The following PLA1A variants were observed in gnomAD, a reference collection of about 807,000 sequenced individuals.
The protein encoded by PLA1A is phospholipase A1 member A.
PLA1A carries 47 observed loss-of-function variants against 49.4 expected under a neutral mutation model. The ratio of observed to expected loss-of-function variants is 0.95; its 90% CI spans 0.75 to 1.21. The LOEUF (loss-of-function observed/expected upper bound fraction) is 1.21, where lower values mean the gene tolerates loss of function less well. PLA1A is among the 50% of genes most tolerant of loss of function. The probability of loss-of-function intolerance (pLI) is 0.00; values close to 1 mark genes in which losing one functional copy is unlikely to be tolerated. For missense variants in PLA1A, 561 were observed against 563.9 expected (o/e 0.99, Z 0.05); for synonymous variants, 224 against 207.9 (o/e 1.08, Z -0.67).
At chr3:119,606,701 G>A in intron 1 of PLA1A, 73 bp from the exon 2 acceptor site, 2 of 1,227,166 alleles carry the variant, frequency 1.6e-6, no homozygotes, top group Non-Finnish European at 2.3e-6. Context: ...TTCCTTCCAA[G>A]GTCATCTTTC....
intron 7 of PLA1A, 124 bp from the exon 8 acceptor site, chr3:119,619,439 G>A: frequency 1.4e-6 from 1 of 722,716 alleles, no homozygotes; most frequent in Non-Finnish European, 2.5e-6. Flanking sequence ...AGCACATAGT[G>A]CGTGTATGGT....
intron 3 of PLA1A, among the ~76,000 whole-genome samples, chr3:119,609,232 T>C (rs977886261): frequency 6.6e-6 from 1 of 152,090 alleles, no homozygotes; most frequent in Admixed American, 6.5e-5. Context: ...ATGGCCATGG[T>C]CGTTACTCAC....
chr3:119,622,146 GGAGGAAGAA>G (rs1348110652), intron 8 of PLA1A, among the ~76,000 whole-genome samples: 14 of 120,860 alleles, frequency 1.2e-4, no homozygotes, highest in Admixed American at 4.1e-4. Flanking sequence ...AGGAGGAGGA[GGAGGAAGAA>G]GAAGAAGAAG....
chr3:119,608,749 C>T, intron 2 of PLA1A, 21 bp from the exon 3 acceptor site: 2 of 1,579,726 alleles, frequency 1.3e-6, no homozygotes, highest in Non-Finnish European at 1.7e-6. Context: ...TTTTTCCATT[C>T]TTTTTTGGCC....
intron 2 of PLA1A, among the ~76,000 whole-genome samples, chr3:119,607,501 A>G (rs992627539): frequency 1.3e-5 from 2 of 152,230 alleles, no homozygotes; most frequent in Admixed American, 6.5e-5. Context: ...CTATAGGGCT[A>G]GAAACAGAGA....
intron 1 of PLA1A, chr3:119,598,667 A>G (rs2082573157): frequency 6.6e-6 from 1 of 152,208 alleles, no homozygotes; most frequent in Admixed American, 6.5e-5. Context: ...TCTACTCACA[A>G]TAGCAGGCTG....
chr3:119,607,912 C>A (rs1285027444), intron 2 of PLA1A, among the ~76,000 whole-genome samples: 1 of 152,206 alleles, frequency 6.6e-6, no homozygotes, highest in Non-Finnish European at 1.5e-5. Flanking sequence ...AGTGTGCTCT[C>A]TTTGCTTCTA....
At chr3:119,619,323 CT>C (rs1312807397) in intron 7 of PLA1A, among the ~76,000 whole-genome samples, 1 of 152,206 alleles carries the variant, frequency 6.6e-6, no homozygotes, top group Non-Finnish European at 1.5e-5. Context: ...TTATAATAAC[CT>C]GCCAAGAATG....
intron 1 of PLA1A, among the ~76,000 whole-genome samples, chr3:119,598,194 A>T (rs898171446): frequency 2.6e-5 from 4 of 152,164 alleles, no homozygotes; most frequent in African/African-American, 9.7e-5. Context: ...TTCCCTGGTT[A>T]TCCGACTCAT....
intron 8 of PLA1A, among the ~76,000 whole-genome samples, 194 bp from the exon 9 acceptor site, chr3:119,624,930 C>A (rs1381727107): frequency 2.0e-5 from 3 of 152,216 alleles, no homozygotes. Flanking sequence ...TGCGCCCAGC[C>A]AAGTGTCTAT....
intron 4 of PLA1A, among the ~76,000 whole-genome samples, chr3:119,610,716 T>C (rs775402463): frequency 2.0e-5 from 3 of 152,244 alleles, no homozygotes; most frequent in African/African-American, 4.8e-5. Context: ...TATTAGTCCT[T>C]TGTCAGATGC....
intron 1 of PLA1A, 59 bp from the exon 2 acceptor site, chr3:119,606,715 C>T: frequency 1.4e-6 from 2 of 1,394,194 alleles, no homozygotes; most frequent in Admixed American, 3.5e-5. Context: ...ATCTTTCTTC[C>T]TTCTAAGAAC....
intron 4 of PLA1A, among the ~76,000 whole-genome samples, chr3:119,610,542 T>C (rs2082751353): frequency 6.6e-6 from 1 of 152,208 alleles, no homozygotes; most frequent in East Asian, 1.9e-4. Flanking sequence ...TGAGATGGTA[T>C]ATCATGGTGT....
At chr3:119,628,116 A>G (rs1186663862) in intron 9 of PLA1A, among the ~76,000 whole-genome samples, 1 of 152,224 alleles carries the variant, frequency 6.6e-6, no homozygotes, top group Non-Finnish European at 1.5e-5. Flanking sequence ...TCAAGTTCAT[A>G]GCAGCATGTA....
In PLA1A at chr3:119,611,065, G is replaced by A. The variant is rs1193562636; in HGVS notation, c.562+1489G>A. On this transcript the variant is annotated intron_variant, in intron 4 of 10. Transcript: ENST00000273371. ...TTTCCCACACCATTTATCGAATAGG[G>A]TATCTTTTCCTCTAAAAAAAGTGTT... Among the ~76,000 whole-genome samples the A allele has an allele frequency of 3.3e-5, 5 of 152,212 alleles. No homozygotes were observed. The East Asian group carries it at 9.6e-4, about 29-fold the overall frequency.
At chr3:119,614,884 A>G (rs9830521) in intron 5 of PLA1A, among the ~76,000 whole-genome samples, 402 of 152,330 alleles carry the variant, frequency 2.6e-3, no homozygotes, top group Non-Finnish European at 5.0e-3. Flanking sequence ...GGAGTCATGA[A>G]GGGAAGCCCG....
intron 8 of PLA1A, 79 bp downstream of exon 8, chr3:119,619,731 G>A: frequency 5.1e-6 from 5 of 973,550 alleles, no homozygotes; most frequent in Non-Finnish European, 8.3e-6. Context: ...TAGCCTGGGT[G>A]GGAGTGAATG....
In PLA1A at chr3:119,606,947, G is replaced by A. The variant is rs141940849; in HGVS notation, c.247G>A (p.Gly83Arg). The A allele has an allele frequency of 4.6e-5, 75 of 1,613,862 alleles. No homozygotes were observed. The highest frequency in any genetic ancestry group is 5.7e-5 in the Non-Finnish European group (67 of 1,179,894). The change falls in exon 2 of 11, where the codon GGA becomes AGA. Residue 83 changes from glycine to arginine, a missense_variant. Coordinates refer to ENST00000273371, the MANE Select transcript of PLA1A (RefSeq NM_015900.4). ...AAACTCTGGGTTCAATGCCACTCTG[G>A]GAACCAAACTAATTATCCATGGATT... Reference protein sequence around the residue: ...LQNSGFNATLGTKLIIHGFRV... With the variant: ...LQNSGFNATLRTKLIIHGFRV...
Position 119,606,950 on chromosome 3 carries a change from A to G in PLA1A, c.250A>G (p.Thr84Ala). Residue 84 changes from threonine (T) to alanine (A), a missense_variant, in exon 2 of 11, where the codon ACC (threonine) becomes GCC (alanine). Thr to Ala is a moderately conservative substitution (Grantham distance 58). Transcript: ENST00000273371. ...CTCTGGGTTCAATGCCACTCTGGGAACCAAACTAATTATCCATGGATTCAG... is the reference window on the plus strand; with the variant it reads ...CTCTGGGTTCAATGCCACTCTGGGAGCCAAACTAATTATCCATGGATTCAG... Reference protein sequence around the residue: ...QNSGFNATLGTKLIIHGFRVL... With the variant: ...QNSGFNATLGAKLIIHGFRVL... 1 of 1,614,024 alleles carries G rather than the reference A, an allele frequency of 6.2e-7. No individual in the cohort carries two copies. The highest frequency in any genetic ancestry group is 8.5e-7 in the Non-Finnish European group (1 of 1,179,868).
Sources: allele counts gnomAD v4.1 joint callset (sites outside exome capture counted in the v4.1 genomes callset), GRCh38; gene constraint gnomAD v4.1.1; transcripts MANE v1.5; gene names NCBI Gene and HGNC (gene_info 2026-07-23, HGNC 2026-07-21).